The following SNTG1 variants were observed in gnomAD, a reference collection of about 807,000 sequenced individuals.
The protein encoded by SNTG1 is syntrophin gamma 1, also known as gamma-1-syntrophin.
Under a neutral mutation model 74.7 loss-of-function variants are expected in SNTG1, and 39 were observed. That is an observed-to-expected ratio of 0.52 (90% CI 0.40 to 0.68). SNTG1 has a LOEUF of 0.68. SNTG1 is among the 30% of genes least tolerant of loss of function. The pLI is 0.00. For synonymous variants in SNTG1, 254 were observed against 217.1 expected, an observed-to-expected ratio of 1.17 and a Z score of -1.49; for missense variants, 685 against 609.5, an observed-to-expected ratio of 1.12 and a Z score of -1.30.
intron 1 of SNTG1, among the ~76,000 whole-genome samples, chr8:50,047,690 C>A (rs1250750561): frequency 6.6e-6 from 1 of 152,090 alleles, no homozygotes; most frequent in Non-Finnish European, 1.5e-5. Flanking sequence ...AATGTCCTCC[C>A]AGTCACCTTC....
chr8:50,645,841 G>T (rs765946367), intron 13 of SNTG1, among the ~76,000 whole-genome samples: 2 of 151,718 alleles, frequency 1.3e-5, no homozygotes, highest in African/African-American at 4.8e-5. Flanking sequence ...GATACTGCTG[G>T]GATTCTCTGT....
chr8:49,940,199 G>A (rs181269451), intron 1 of SNTG1, among the ~76,000 whole-genome samples: 6 of 152,238 alleles, frequency 3.9e-5, no homozygotes, highest in Non-Finnish European at 5.9e-5. Context: ...CTGGGAAACT[G>A]CACCAAAAGG....
intron 1 of SNTG1, among the ~76,000 whole-genome samples, chr8:50,090,330 A>G (rs1217406721): frequency 1.3e-5 from 2 of 152,156 alleles, no homozygotes; most frequent in Non-Finnish European, 2.9e-5. Context: ...GCCCATCTTA[A>G]GTGGGGGACT....
At chr8:50,011,257 A>C (rs1815766361) in intron 1 of SNTG1, among the ~76,000 whole-genome samples, 2 of 152,142 alleles carry the variant, frequency 1.3e-5, no homozygotes, top group African/African-American at 4.8e-5. Context: ...AGAAGTTAGG[A>C]AATGTACCTG....
chr8:50,013,264 T>A (rs1585892566), intron 1 of SNTG1, among the ~76,000 whole-genome samples: 1 of 152,214 alleles, frequency 6.6e-6, no homozygotes, highest in African/African-American at 2.4e-5. Context: ...TGTAGAAGAC[T>A]GCAAAGATTA....
intron 16 of SNTG1, 118 bp from the exon 17 acceptor site, chr8:50,708,768 T>C: frequency 1.7e-6 from 1 of 601,856 alleles, no homozygotes; most frequent in Non-Finnish European, 2.9e-6. Flanking sequence ...TATACAATTA[T>C]TGTTAATATT....
chr8:50,726,784 G>A (rs1339485102), intron 17 of SNTG1, among the ~76,000 whole-genome samples: 2 of 152,172 alleles, frequency 1.3e-5, no homozygotes, highest in Non-Finnish European at 2.9e-5. Context: ...AGGAGGTGGA[G>A]CTTGCAGTGA....
chr8:50,059,584 G>T (rs1047934131), intron 1 of SNTG1, among the ~76,000 whole-genome samples: 4 of 151,944 alleles, frequency 2.6e-5, no homozygotes, highest in Non-Finnish European at 5.9e-5. Flanking sequence ...TCATATAAAT[G>T]GAATCATGCA....
At chr8:50,405,189 T>G (rs1168579039) in intron 4 of SNTG1, among the ~76,000 whole-genome samples, 1 of 152,058 alleles carries the variant, frequency 6.6e-6, no homozygotes, top group Non-Finnish European at 1.5e-5. Flanking sequence ...CTGGATAAAA[T>G]AGTAATACTT....
At chr8:50,375,169 T>G (rs1253976220) in intron 2 of SNTG1, among the ~76,000 whole-genome samples, 2 of 152,160 alleles carry the variant, frequency 1.3e-5, no homozygotes, top group African/African-American at 2.4e-5. Context: ...TTTCTGAAAC[T>G]CTATGCATGC....
At chr8:50,392,658 G>T (rs971972237) in intron 2 of SNTG1, among the ~76,000 whole-genome samples, 6 of 152,018 alleles carry the variant, frequency 3.9e-5, no homozygotes, top group Admixed American at 2.6e-4. Context: ...AATTCTTTGT[G>T]CTTATATATG....
intron 2 of SNTG1, among the ~76,000 whole-genome samples, chr8:50,372,429 T>C (rs1420457636): frequency 2.0e-5 from 3 of 152,142 alleles, no homozygotes; most frequent in South Asian, 2.1e-4. Context: ...ATACCATATA[T>C]TGTTACGCTA....
At chr8:50,105,547 T>TC (rs1295262919) in intron 1 of SNTG1, among the ~76,000 whole-genome samples, 1 of 152,034 alleles carries the variant, frequency 6.6e-6, no homozygotes, top group Non-Finnish European at 1.5e-5. Flanking sequence ...TGTCTTCAAA[T>TC]AATTTTTTTC....
intron 3 of SNTG1, among the ~76,000 whole-genome samples, chr8:50,397,359 T>G (rs1015533640): frequency 4.6e-5 from 7 of 152,220 alleles, no homozygotes; most frequent in Non-Finnish European, 1.0e-4. Context: ...TTTCGATATC[T>G]AAACAATTTG....
chr8:50,023,292 C>G (rs1420731294), intron 1 of SNTG1, among the ~76,000 whole-genome samples: 1 of 152,078 alleles, frequency 6.6e-6, no homozygotes, highest in Non-Finnish European at 1.5e-5. Context: ...ATCATTTTCT[C>G]CAGAAGAGCA....
At chr8:50,765,334 T>C (rs1179728788) in intron 18 of SNTG1, among the ~76,000 whole-genome samples, 1 of 151,864 alleles carries the variant, frequency 6.6e-6, no homozygotes, top group Non-Finnish European at 1.5e-5. Context: ...CTAGAAGGAG[T>C]AGGCTTCTCT....
At chr8:50,287,055 CCTGA>C (rs2088827501) in intron 2 of SNTG1, among the ~76,000 whole-genome samples, 2 of 152,156 alleles carry the variant, frequency 1.3e-5, no homozygotes, top group African/African-American at 2.4e-5. Flanking sequence ...TGCTGACCAA[CCTGA>C]CTGTTACTCC....
At chr8:50,537,568 T>C (rs1327108922) in intron 11 of SNTG1, among the ~76,000 whole-genome samples, 5 of 152,162 alleles carry the variant, frequency 3.3e-5, no homozygotes, top group African/African-American at 1.2e-4. Context: ...TTTTTAAAAA[T>C]GATTAATTTG....
intron 1 of SNTG1, among the ~76,000 whole-genome samples, chr8:49,959,231 C>A (rs1810464322): frequency 1.3e-5 from 2 of 152,216 alleles, no homozygotes; most frequent in Admixed American, 6.5e-5. Flanking sequence ...TCCCTCCTTG[C>A]TGTCCCTGGG....
Sources: gnomAD v4.1 joint callset for allele counts (sites outside exome capture counted in the v4.1 genomes callset) on GRCh38, gnomAD v4.1.1 for gene constraint, MANE v1.5 for transcripts, NCBI Gene and HGNC (gene_info 2026-07-23, HGNC 2026-07-21) for gene names.